BAZ1A: variants seen among roughly 807,000 people sequenced by gnomAD.
BAZ1A encodes bromodomain adjacent to zinc finger domain protein 1A.
Under a neutral mutation model 185.2 loss-of-function variants are expected in BAZ1A, and 50 were observed. That is an observed-to-expected ratio of 0.27 (90% CI 0.22 to 0.34). The LOEUF (loss-of-function observed/expected upper bound fraction) is 0.34. Ranked by LOEUF, BAZ1A falls within the 10% of genes least tolerant of loss-of-function variation. The probability of loss-of-function intolerance (pLI) is 1.00; values close to 1 mark genes in which losing one functional copy is unlikely to be tolerated. For synonymous variants in BAZ1A, 571 were observed against 615.6 expected (o/e 0.93, Z 1.07); for missense variants, 1,356 against 1,839.9 (o/e 0.74, Z 4.81).
intron 17 of BAZ1A, among the ~76,000 whole-genome samples, chr14:34,779,472 T>C (rs1027525050): frequency 2.6e-5 from 4 of 151,820 alleles, no homozygotes; most frequent in African/African-American, 9.7e-5. Flanking sequence ...GATGTTGAAA[T>C]CAATTGCATT....
intron 21 of BAZ1A, among the ~76,000 whole-genome samples, chr14:34,769,514 AGTT>A (rs1466198033): frequency 6.6e-6 from 1 of 152,178 alleles, no homozygotes; most frequent in Non-Finnish European, 1.5e-5. Context: ...CTACTAGACA[AGTT>A]GTAACAACTC....
Position 34,832,132 on chromosome 14 carries a change from G to A in BAZ1A, c.393-5976C>T, listed in dbSNP as rs376200959. 4.9e-4 allele frequency among the ~76,000 whole-genome samples: 73 copies of A among 150,364 alleles called. 1 individual carries two copies. Among genetic ancestry groups the A allele is most frequent in the African/African-American group, 1.7e-3 (69 of 40,928 alleles). ...TCATTGAGTCCAGGAGGCAGAGGCT[G>A]TCTCAGAAAATGTAAGTATGTATGT... On this transcript the variant is annotated intron_variant, in intron 3 of 26. Transcript: ENST00000360310.
chr14:34,761,668 T>G, intron 24 of BAZ1A, 89 bp downstream of exon 24: 7 of 1,220,796 alleles, frequency 5.7e-6, no homozygotes, highest in Non-Finnish European at 8.0e-6. Flanking sequence ...AGTGACAGAC[T>G]TTAAAAAATG....
chr14:34,804,343 T>C (rs1881740002), intron 6 of BAZ1A, among the ~76,000 whole-genome samples: 2 of 152,206 alleles, frequency 1.3e-5, no homozygotes, highest in South Asian at 2.1e-4. Context: ...CCCTAGACTT[T>C]TTGTTATTTT....
chr14:34,794,709 G>A (rs1375410277), intron 11 of BAZ1A, 40 bp downstream of exon 11: 2 of 1,572,434 alleles, frequency 1.3e-6, no homozygotes, highest in South Asian at 2.4e-5. Context: ...CTAATTTTAG[G>A]ATGAACTATA....
intron 2 of BAZ1A, among the ~76,000 whole-genome samples, chr14:34,872,865 G>T (rs924169598): frequency 1.5e-5 from 2 of 131,994 alleles, no homozygotes; most frequent in Non-Finnish European, 3.1e-5. Flanking sequence ...GATACTCTTA[G>T]TTTTTTTTTT....
chr14:34,852,489 CACGCCCGTATTCCCAGCT>C (rs1306419555), intron 3 of BAZ1A, among the ~76,000 whole-genome samples: 1 of 151,856 alleles, frequency 6.6e-6, no homozygotes, highest in Admixed American at 6.6e-5. Flanking sequence ...TGGTGGCACG[CACGCCCGTATTCCCAGCT>C]ACTTGGGAGG....
chr14:34,763,947 G>A (rs1878618840), intron 23 of BAZ1A, among the ~76,000 whole-genome samples: 1 of 152,124 alleles, frequency 6.6e-6, no homozygotes, highest in Non-Finnish European at 1.5e-5. Flanking sequence ...CTACCTTGTG[G>A]ATATAAAATT....
In BAZ1A at chr14:34,800,298, A is replaced by G. The variant is rs1881438969; in HGVS notation, c.1054T>C (p.Leu352=). 6.7e-7 allele frequency: 1 copy of G among 1,485,086 alleles called. No individual in the cohort carries two copies. Among genetic ancestry groups the G allele is most frequent in the Admixed American group, 2.2e-5 (1 of 45,850 alleles). The allele number at this position is 1,485,086 out of a possible 1,614,324, so 92.0% of individuals were successfully genotyped here. Residue 352 remains leucine (L), a synonymous_variant, in exon 9 of 27, where the codon TTG becomes CTG. Transcript: ENST00000360310. ...CTCTCTTCTTCAACAATTTTTTTCA[A>G]TTCTTCCCTCTTTTTCTCTTTATCT... ...KEDKEKKREE[L]KKIVEEERLK... is the part of the protein sequence containing the mutation.
At chr14:34,782,006 TATACATTTTTGG>T (rs1422617184) in intron 16 of BAZ1A, among the ~76,000 whole-genome samples, 3 of 152,368 alleles carry the variant, frequency 2.0e-5, no homozygotes, top group Non-Finnish European at 4.4e-5. Flanking sequence ...AACATTTGTG[TATACATTTTTGG>T]ATGAAGGTAT....
At chr14:34,798,283 AG>A in intron 9 of BAZ1A, among the ~76,000 whole-genome samples, 1 of 152,384 alleles carries the variant, frequency 6.6e-6, no homozygotes, top group South Asian at 2.1e-4. Flanking sequence ...GCTGAACAAA[AG>A]ACAGCAGAAA....
chr14:34,767,494 T>C (rs1878929265), intron 21 of BAZ1A, among the ~76,000 whole-genome samples: 1 of 152,268 alleles, frequency 6.6e-6, no homozygotes, highest in African/African-American at 2.4e-5. Flanking sequence ...AGGTTGCAGA[T>C]TGTGCCACTG....
intron 4 of BAZ1A, among the ~76,000 whole-genome samples, chr14:34,824,198 TAAAAAAA>T (rs11453821): frequency 7.9e-6 from 1 of 126,564 alleles, no homozygotes; most frequent in African/African-American, 3.0e-5. Flanking sequence ...TGTCTCTACT[TAAAAAAA>T]AAAAAAAAAA....
chr14:34,848,341 C>A (rs1056611983), intron 3 of BAZ1A, among the ~76,000 whole-genome samples: 2 of 152,080 alleles, frequency 1.3e-5, no homozygotes, highest in Non-Finnish European at 2.9e-5. Context: ...TGTGGTGGCT[C>A]GTGCCTGTAA....
At chr14:34,840,651 C>T (rs2042398566) in intron 3 of BAZ1A, among the ~76,000 whole-genome samples, 2 of 151,856 alleles carry the variant, frequency 1.3e-5, no homozygotes, top group Non-Finnish European at 2.9e-5. Flanking sequence ...CCCAGCTACT[C>T]GGGATGCTGA....
chr14:34,756,464 C>CTTTTTTTTTTTTTTT (rs1343693112), intron 25 of BAZ1A, among the ~76,000 whole-genome samples: 1 of 107,168 alleles, frequency 9.3e-6, no homozygotes, highest in Non-Finnish European at 1.8e-5. Context: ...GCCAGAATAC[C>CTTTTTTTTTTTTTTT]TATTTTTTTT....
At chr14:34,775,410 ACT>A (rs1879528299) in intron 18 of BAZ1A, among the ~76,000 whole-genome samples, 1 of 152,214 alleles carries the variant, frequency 6.6e-6, no homozygotes. Flanking sequence ...TAATATAAAA[ACT>A]CACATCTAAA....
chr14:34,755,025 TG>T, intron 25 of BAZ1A, 111 bp from the exon 26 acceptor site: 3 of 649,932 alleles, frequency 4.6e-6, no homozygotes, highest in Non-Finnish European at 7.9e-6. Context: ...AATTGCAATA[TG>T]GTCTTGCTCA....
rs773745290 is a variant in BAZ1A at position 34,783,179 on chromosome 14, T to C, written c.2051A>G (p.Glu684Gly). 5 of 1,602,914 alleles carry C rather than the reference T, an allele frequency of 3.1e-6. No individual in the cohort carries two copies. The highest frequency in any genetic ancestry group is 4.3e-6 in the Non-Finnish European group (5 of 1,173,518). ...KLKEQEQKMK[E>G]KQEKLKEDEQ... ...ATCTTCTTTCAGTTTTTCTTGTTTC[T>C]CTTTCATTTTTTGTTCTTGCTCCTT... Residue 684 changes from glutamate (E) to glycine (G), a missense_variant, in exon 16 of 27, where the codon GAG (glutamate) becomes GGG (glycine). Physicochemically the swap from Glu to Gly is moderately conservative, Grantham distance 98. Around this residue, in one of 7 missense-constraint regions of BAZ1A, gnomAD observed 434 missense variants for 561.7 expected, o/e 0.77. Transcript: ENST00000360310.
Sources: allele counts gnomAD v4.1 joint callset (sites outside exome capture counted in the v4.1 genomes callset), GRCh38; gene constraint gnomAD v4.1.1; regional missense constraint gnomAD v4.1.1; transcripts MANE v1.5; gene names NCBI Gene and HGNC (gene_info 2026-07-23, HGNC 2026-07-21).